ARFGEF3: variants seen among roughly 807,000 people sequenced by gnomAD.
The protein encoded by ARFGEF3 is ARFGEF family member 3.
ARFGEF3 carries 96 observed loss-of-function variants against 221.7 expected under a neutral mutation model. The observed-to-expected ratio is 0.43, with a 90% CI of 0.37 to 0.51. The LOEUF (loss-of-function observed/expected upper bound fraction) is 0.51, where lower values mean the gene tolerates loss of function less well. Ranked by LOEUF, ARFGEF3 falls within the 20% of genes least tolerant of loss-of-function variation. ARFGEF3 has a pLI of 0.00. For missense variants in ARFGEF3, 2,410 were observed against 2,789.9 expected (o/e 0.86, Z 3.07); for synonymous variants, 1,145 against 1,126.8 (o/e 1.02, Z -0.32).
chr6:138,163,496 G>A (rs1040399359), intron 1 of ARFGEF3, among the ~76,000 whole-genome samples: 7 of 152,178 alleles, frequency 4.6e-5, no homozygotes, highest in Admixed American at 3.9e-4. Flanking sequence ...AGATGGCTGG[G>A]TAACATGATA....
chr6:138,328,670 G>A (rs1247387748), intron 32 of ARFGEF3, among the ~76,000 whole-genome samples: 2 of 151,870 alleles, frequency 1.3e-5, no homozygotes, highest in Non-Finnish European at 2.9e-5. Context: ...GAATTTGGGG[G>A]AACACAGCCC....
intron 32 of ARFGEF3, among the ~76,000 whole-genome samples, chr6:138,329,385 C>A (rs1780180220): frequency 6.6e-6 from 1 of 152,154 alleles, no homozygotes; most frequent in Non-Finnish European, 1.5e-5. Context: ...TGGCTCTGGG[C>A]TGGGCGCAAT....
intron 4 of ARFGEF3, among the ~76,000 whole-genome samples, chr6:138,221,231 G>C (rs1777978239): frequency 1.3e-5 from 2 of 152,112 alleles, no homozygotes; most frequent in South Asian, 4.2e-4. Context: ...TTGGGGGTTT[G>C]GTTTGTTTGC....
At chr6:138,258,886 C>T (rs1315012901) in intron 10 of ARFGEF3, among the ~76,000 whole-genome samples, 1 of 152,182 alleles carries the variant, frequency 6.6e-6, no homozygotes, top group African/African-American at 2.4e-5. Context: ...TACCTGGATG[C>T]TAAGTAGATA....
intron 24 of ARFGEF3, among the ~76,000 whole-genome samples, chr6:138,310,767 A>G (rs1779812187): frequency 6.6e-6 from 1 of 152,252 alleles, no homozygotes; most frequent in African/African-American, 2.4e-5. Flanking sequence ...AGAAAAACCT[A>G]GATACCGCTC....
chr6:138,212,297 G>T (rs781382877), intron 4 of ARFGEF3, among the ~76,000 whole-genome samples: 1 of 152,262 alleles, frequency 6.6e-6, no homozygotes, highest in Non-Finnish European at 1.5e-5. Flanking sequence ...GGAGGCCAAG[G>T]CAGGGGGATG....
intron 11 of ARFGEF3, 33 bp from the exon 12 acceptor site, chr6:138,262,668 T>C: frequency 1.3e-6 from 2 of 1,552,982 alleles, no homozygotes; most frequent in Non-Finnish European, 1.7e-6. Context: ...ATTTTATGCA[T>C]TTATTCCATT....
At chr6:138,285,713 T>G (rs2114627166) in intron 14 of ARFGEF3, among the ~76,000 whole-genome samples, 1 of 152,342 alleles carries the variant, frequency 6.6e-6, no homozygotes, top group East Asian at 1.9e-4. Context: ...GTACATCTAT[T>G]TTTAAATAAA....
rs554102501 is a variant in ARFGEF3, at chr6:138,205,876, A to G, written c.138-1166A>G. ...TTAAGGAGTGTGTGACTCTCGCTTC[A>G]TCGGTTATGAAGCTGCTGATGGAAG... On this transcript the variant is annotated intron_variant, in intron 2 of 33. Coordinates refer to ENST00000251691, the MANE Select transcript of ARFGEF3 (RefSeq NM_020340.5). Among the ~76,000 whole-genome samples the G allele has an allele frequency of 2.0e-5, 3 of 152,334 alleles. No individual in the cohort carries two copies. The East Asian group carries it at 5.8e-4, about 29-fold the overall frequency.
chr6:138,263,867 G>A (rs978235826), intron 12 of ARFGEF3, among the ~76,000 whole-genome samples: 2 of 152,188 alleles, frequency 1.3e-5, no homozygotes, highest in African/African-American at 4.8e-5. Context: ...ATGAGAAGTA[G>A]CTGCATTCTA....
rs186644328 is a variant in ARFGEF3, at chr6:138,232,135, T to C, written c.420+2283T>C. Reference sequence around the variant, plus strand: ...AATATTAACCCCAGGGTAGCAGATATGTTGAGTTTTCCAAGGAAAGTTACC... The same window carrying C: ...AATATTAACCCCAGGGTAGCAGATACGTTGAGTTTTCCAAGGAAAGTTACC... On this transcript the variant is annotated intron_variant, in intron 5 of 33. Transcript: ENST00000251691. Among the ~76,000 whole-genome samples, 109 of 152,300 alleles carry C rather than the reference T, an allele frequency of 7.2e-4. 1 individual carries two copies. Among genetic ancestry groups the C allele is most frequent in the African/African-American group, 2.5e-3 (105 of 41,560 alleles).
chr6:138,278,576 G>A lies in ARFGEF3; in HGVS notation c.2254G>A (p.Asp752Asn). ...LLLNLKLSHG[D>N]YYRKRPTLAP... ...CCTCAACCTGAAGCTCTCCCACGGTGACTACTACAGGAAGCGGCCGACCCT... is the reference window on the plus strand; with the variant it reads ...CCTCAACCTGAAGCTCTCCCACGGTAACTACTACAGGAAGCGGCCGACCCT... The change falls in exon 13 of 34, where the codon GAC becomes AAC. Residue 752 changes from aspartate to asparagine, a missense_variant. This residue lies in a region of ARFGEF3 where 594 missense variants were observed against 734.3 expected (regional missense o/e 0.81). Coordinates refer to ENST00000251691, the MANE Select transcript of ARFGEF3 (RefSeq NM_020340.5). The A allele has an allele frequency of 6.2e-7, 1 of 1,613,942 alleles. No homozygotes were observed. The highest frequency in any genetic ancestry group is 1.3e-5 in the African/African-American group (1 of 75,032).
At chr6:138,196,856 G>A (rs543311318) in intron 2 of ARFGEF3, among the ~76,000 whole-genome samples, 5 of 151,816 alleles carry the variant, frequency 3.3e-5, no homozygotes, top group Middle Eastern at 3.4e-3. Flanking sequence ...ATTTTGAGAC[G>A]GAGTTTCGCT....
chr6:138,193,782 T>C (rs183643810), intron 2 of ARFGEF3, among the ~76,000 whole-genome samples: 1 of 152,338 alleles, frequency 6.6e-6, no homozygotes, highest in Non-Finnish European at 1.5e-5. Flanking sequence ...ATTTATACAT[T>C]ATTTGTGAGC....
At position 138,291,973 on chromosome 6, in the gene ARFGEF3, C is replaced by T. The variant is rs1318436882; in HGVS notation, c.3288C>T (p.Ala1096=). The T allele has an allele frequency of 6.5e-7, 1 of 1,535,754 alleles. No individual in the cohort carries two copies. The highest frequency in any genetic ancestry group is 2.0e-5 in the Admixed American group (1 of 50,840). ...TCCGGGAAGGCAGCCGGGGTCGGGC[C>T]TCCGACTTCCGCGGCGGGAGCCTCA... The part of the protein sequence containing the change: ...DLVREGSRGR[A]SDFRGGSLMS... The change falls in exon 19 of 34, where the codon GCC becomes GCT. Residue 1096 remains alanine (A), a synonymous_variant. Transcript: ENST00000251691. The surrounding 1 kb of genome is among the most constrained non-coding windows in gnomAD (Gnocchi z 4.5).
chr6:138,220,553 A>G (rs1302295281), intron 4 of ARFGEF3, among the ~76,000 whole-genome samples: 1 of 152,190 alleles, frequency 6.6e-6, no homozygotes. Flanking sequence ...CTATGAGAAA[A>G]TGCATCCTGC....
intron 4 of ARFGEF3, chr6:138,217,893 A>C: frequency 4.9e-6 from 7 of 1,440,640 alleles, no homozygotes; most frequent in Non-Finnish European, 6.5e-6. Flanking sequence ...GGAATGGTTC[A>C]GTTACTTGGC....
intron 4 of ARFGEF3, among the ~76,000 whole-genome samples, chr6:138,224,716 T>A (rs1220306054): frequency 6.6e-6 from 1 of 152,162 alleles, no homozygotes; most frequent in Non-Finnish European, 1.5e-5. Context: ...ATCTTACTAC[T>A]AAGAAGCTGA....
At chr6:138,252,129 G>A (rs1218429993) in intron 8 of ARFGEF3, among the ~76,000 whole-genome samples, 6 of 152,096 alleles carry the variant, frequency 3.9e-5, no homozygotes, top group African/African-American at 1.2e-4. Flanking sequence ...CTCAAAGGGC[G>A]TGGTAGACAG....
Sources: gnomAD v4.1 joint callset for allele counts (sites outside exome capture counted in the v4.1 genomes callset) on GRCh38, gnomAD v4.1.1 for gene constraint, gnomAD v4.1.1 regional missense constraint, Gnocchi (gnomAD v3.1) non-coding constraint, MANE v1.5 for transcripts, NCBI Gene and HGNC (gene_info 2026-07-23, HGNC 2026-07-21) for gene names.